The following ZFHX4 variants were observed in gnomAD, a reference collection of about 807,000 sequenced individuals.
ZFHX4 encodes zinc finger homeobox protein 4.
ZFHX4 carries 56 observed loss-of-function variants against 267.6 expected under a neutral mutation model. The observed-to-expected ratio is 0.21, with a 90% CI of 0.17 to 0.26. The LOEUF is 0.26. Among genes scored for constraint, ZFHX4 ranks in the 10% least tolerant of loss-of-function variants. The pLI, the probability that ZFHX4 is intolerant of heterozygous loss-of-function variation, is 1.00. For synonymous variants in ZFHX4, 1,778 were observed against 1,665.6 expected (o/e 1.07, Z -1.64); for missense variants, 4,332 against 4,420.0 (o/e 0.98, Z 0.56).
At chr8:76,783,183 A>G (rs1810597783) in intron 4 of ZFHX4, among the ~76,000 whole-genome samples, 1 of 152,058 alleles carries the variant, frequency 6.6e-6, no homozygotes, top group African/African-American at 2.4e-5. Flanking sequence ...TATTACTAAG[A>G]ACATCACTTT....
intron 3 of ZFHX4, among the ~76,000 whole-genome samples, chr8:76,715,069 GACA>G (rs1484892491): frequency 6.6e-6 from 1 of 152,104 alleles, no homozygotes; most frequent in African/African-American, 2.4e-5. Context: ...ATCAGTTTTA[GACA>G]ACGATTATGG....
chr8:76,760,983 G>C (rs1411814617), intron 3 of ZFHX4, among the ~76,000 whole-genome samples: 3 of 148,168 alleles, frequency 2.0e-5, no homozygotes, highest in African/African-American at 7.5e-5. Flanking sequence ...TCTCTATTGA[G>C]AGCCAGTTAG....
At chr8:76,688,674 A>G (rs1356722158) in intron 1 of ZFHX4, among the ~76,000 whole-genome samples, 1 of 152,110 alleles carries the variant, frequency 6.6e-6, no homozygotes, top group Non-Finnish European at 1.5e-5. Context: ...AAGTGTGAAG[A>G]CTCTTTCAAA....
chr8:76,703,712 T>C (rs1290559088), intron 1 of ZFHX4: 1 of 180,840 alleles, frequency 5.5e-6, no homozygotes, highest in Non-Finnish European at 1.2e-5. Flanking sequence ...GCAAAGGGGG[T>C]TTTAGAGTGG....
intron 3 of ZFHX4, among the ~76,000 whole-genome samples, chr8:76,741,032 A>T (rs1809302525): frequency 1.3e-5 from 2 of 152,302 alleles, no homozygotes; most frequent in African/African-American, 4.8e-5. Context: ...GTACCTCTAC[A>T]TAGGAGTGGT....
chr8:76,795,243 A>T (rs1371319396), intron 4 of ZFHX4, among the ~76,000 whole-genome samples: 1 of 152,132 alleles, frequency 6.6e-6, no homozygotes, highest in Non-Finnish European at 1.5e-5. Context: ...AATAGTAACC[A>T]CAGAAAATAA....
chr8:76,768,243 T>C (rs1263537349), intron 3 of ZFHX4, among the ~76,000 whole-genome samples: 1 of 152,156 alleles, frequency 6.6e-6, no homozygotes, highest in South Asian at 2.1e-4. Context: ...AAGAAAGGAA[T>C]GTGAGATTTT....
chr8:76,831,759 T>C (rs2131888017), intron 4 of ZFHX4, among the ~76,000 whole-genome samples: 1 of 152,220 alleles, frequency 6.6e-6, no homozygotes, highest in Admixed American at 6.5e-5. Context: ...TGCTTTTGGT[T>C]CTGAGGGAAG....
At chr8:76,766,253 A>G (rs1363576136) in intron 3 of ZFHX4, among the ~76,000 whole-genome samples, 1 of 152,050 alleles carries the variant, frequency 6.6e-6, no homozygotes, top group South Asian at 2.1e-4. Flanking sequence ...GTTGCAAAAT[A>G]TGCTCTAATG....
intron 3 of ZFHX4, among the ~76,000 whole-genome samples, chr8:76,738,627 T>TCCCTTCC (rs1809229733): frequency 1.0e-5 from 1 of 98,762 alleles, no homozygotes; most frequent in Non-Finnish European, 2.0e-5. Flanking sequence ...TCCTTCCTTC[T>TCCCTTCC]TTCCTTCCTT....
rs1192176251 is a variant in ZFHX4, at chr8:76,855,624, G to A, written c.8703G>A (p.Thr2901=). ...ATGACAACGCCGACCGCAGCGAAAC[G>A]TCCAGCATAGCGGACCCGAGCTCCC... ...DPDDNADRSE[T]SSIADPSSPN... The change falls in exon 10 of 11, where the codon ACG becomes ACA. Residue 2901 remains threonine (T), a synonymous_variant. Coordinates refer to ENST00000651372, the MANE Select transcript of ZFHX4 (RefSeq NM_024721.5). 2.5e-6 allele frequency: 4 copies of A among 1,613,688 alleles called. No homozygotes were observed. The highest frequency in any genetic ancestry group is 3.4e-6 in the Non-Finnish European group (4 of 1,179,818).
chr8:76,809,219 A>G (rs1425649233), intron 4 of ZFHX4, among the ~76,000 whole-genome samples: 1 of 152,154 alleles, frequency 6.6e-6, no homozygotes, highest in Non-Finnish European at 1.5e-5. Context: ...TACTGCTTGA[A>G]TAACGCTTGT....
chr8:76,692,462 G>A (rs1252176852), intron 1 of ZFHX4, among the ~76,000 whole-genome samples: 1 of 152,044 alleles, frequency 6.6e-6, no homozygotes, highest in East Asian at 1.9e-4. Context: ...CTAGAGAAGA[G>A]ATCCAGTTAT....
At chr8:76,740,941 GAAA>G (rs1490158319) in intron 3 of ZFHX4, among the ~76,000 whole-genome samples, 3 of 152,066 alleles carry the variant, frequency 2.0e-5, no homozygotes, top group African/African-American at 7.2e-5. Flanking sequence ...ATATAGTTTT[GAAA>G]AATCACATCA....
At chr8:76,850,693 C>T (rs1234536088) in intron 9 of ZFHX4, among the ~76,000 whole-genome samples, 193 bp from the exon 10 acceptor site, 1 of 152,102 alleles carries the variant, frequency 6.6e-6, no homozygotes, top group Non-Finnish European at 1.5e-5. Flanking sequence ...TTGAGGCCAG[C>T]GGTGATTTCT....
chr8:76,772,873 G>A (rs1810299796), intron 3 of ZFHX4, among the ~76,000 whole-genome samples: 1 of 152,082 alleles, frequency 6.6e-6, no homozygotes, highest in African/African-American at 2.4e-5. Flanking sequence ...CGCTCTACCT[G>A]TTGTCCATGA....
At chr8:76,706,856 T>G (rs1808289874) in intron 2 of ZFHX4, among the ~76,000 whole-genome samples, 178 bp downstream of exon 2, 1 of 152,214 alleles carries the variant, frequency 6.6e-6, no homozygotes, top group African/African-American at 2.4e-5. Flanking sequence ...CGAAATTAAC[T>G]TCAGAGAAGA....
intron 4 of ZFHX4, among the ~76,000 whole-genome samples, chr8:76,793,479 CA>C (rs149626694): frequency 2.0e-3 from 306 of 152,210 alleles, no homozygotes; most frequent in African/African-American, 7.0e-3. Flanking sequence ...ATGAAATCTT[CA>C]ATGCAAATTC....
intron 4 of ZFHX4, among the ~76,000 whole-genome samples, chr8:76,817,814 C>G (rs1811545361): frequency 1.3e-5 from 2 of 152,124 alleles, no homozygotes; most frequent in African/African-American, 4.8e-5. Context: ...CATCTAATAG[C>G]AAATGTGGCA....
Sources: gnomAD v4.1 joint callset for allele counts (sites outside exome capture counted in the v4.1 genomes callset) on GRCh38, gnomAD v4.1.1 for gene constraint, MANE v1.5 for transcripts, NCBI Gene and HGNC (gene_info 2026-07-23, HGNC 2026-07-21) for gene names.